Variants in DCN observed in about 807,000 individuals in gnomAD.
DCN encodes the protein bone proteoglycan II.
In DCN, 17 loss-of-function variants were observed where a neutral mutation model predicts 36.5. The observed-to-expected ratio is 0.47, with a 90% CI of 0.32 to 0.70. The LOEUF is 0.70. Ranked by LOEUF, DCN falls within the 30% of genes least tolerant of loss-of-function variation. The pLI is 0.04. For missense variants in DCN, 389 were observed against 430.1 expected (o/e 0.90, Z 0.84); for synonymous variants, 163 against 161.4 (o/e 1.01, Z -0.07).
At chr12:91,160,150 T>C (rs1882069565) in intron 3 of DCN, among the ~76,000 whole-genome samples, 2 of 152,056 alleles carry the variant, frequency 1.3e-5, no homozygotes, top group South Asian at 2.1e-4. Flanking sequence ...CAAAAACTTG[T>C]GGGAGTTAAG....
chr12:91,181,516 A>C (rs1346876101), intron 1 of DCN, among the ~76,000 whole-genome samples: 7 of 152,120 alleles, frequency 4.6e-5, no homozygotes. Context: ...CTAAAAATGC[A>C]TGACAATGTC....
At position 91,145,812 on chromosome 12, in the gene DCN, A is replaced by G; in HGVS notation, c.*246T>C. 3.9e-6 allele frequency: 2 copies of G among 508,542 alleles called. No homozygotes were observed. Among genetic ancestry groups the G allele is most frequent in the Non-Finnish European group, 7.0e-6 (2 of 283,966 alleles). 31.5% of individuals were successfully genotyped at this position (508,542 alleles called of 1,614,324 possible). A position where few individuals can be genotyped will look rare whatever the true frequency, so the allele number is the denominator to read the frequency against. On this transcript the variant is annotated 3_prime_UTR_variant, in exon 8 of 8. Transcript: ENST00000052754. ...CAAATTTTACATTTAGTGAAATAAGAATATCTCTAGTAGCTCAGTTAACAT... is the reference window on the plus strand; with the variant it reads ...CAAATTTTACATTTAGTGAAATAAGGATATCTCTAGTAGCTCAGTTAACAT...
chr12:91,148,586 C>G (rs1369641516), intron 7 of DCN, among the ~76,000 whole-genome samples: 3 of 151,578 alleles, frequency 2.0e-5, no homozygotes, highest in African/African-American at 7.3e-5. Context: ...CATGGCGGCA[C>G]GTGCCTGTAA....
Position 91,141,736 on chromosome 12 carries a change from T to C in DCN, c.*4322A>G, listed in dbSNP as rs1565766687. On this transcript the variant is annotated 3_prime_UTR_variant, in exon 8 of 8. Transcript: ENST00000052754. ...TAAAATTGATTTGTGTTTCTATGCT[T>C]GTTCCTGATGGCCTGGAAGCATTCA... 1 of 152,228 alleles carries C rather than the reference T, an allele frequency of 6.6e-6. No homozygotes were observed. The highest frequency in any genetic ancestry group is 1.5e-5 in the Non-Finnish European group (1 of 68,046). The allele number at this position is 152,228 out of a possible 1,614,324, so 9.4% of individuals were successfully genotyped here.
At position 91,158,479 on chromosome 12, in the gene DCN, T is replaced by G. The variant is rs778293007; in HGVS notation, c.355A>C (p.Lys119Gln). The change falls in exon 4 of 8, where the codon AAA (lysine) becomes CAA (glutamine). Residue 119 changes from lysine (K) to glutamine (Q), a missense_variant. Lys to Gln is a moderately conservative substitution (Grantham distance 53, BLOSUM62 1). Transcript: ENST00000052754. ...GGTGTAAATGCTCCAGGACTAACTT[T>G]GCTAATTTTATTGTTGACAAGAATC... Reference protein sequence around the residue: ...ALILVNNKISKVSPGAFTPLV... With the variant: ...ALILVNNKISQVSPGAFTPLV... 1.9e-6 allele frequency: 3 copies of G among 1,601,476 alleles called. No homozygotes were observed. The Admixed American group carries it at 5.0e-5, about 27-fold the overall frequency.
chr12:91,179,173 C>A (rs1883470208), intron 1 of DCN: 1 of 162,304 alleles, frequency 6.2e-6, no homozygotes, highest in Non-Finnish European at 1.4e-5. Flanking sequence ...TTATTAATTT[C>A]TACTATAAAC....
chr12:91,179,463 C>G (rs946720561), intron 1 of DCN: 2 of 152,424 alleles, frequency 1.3e-5, no homozygotes, highest in African/African-American at 4.8e-5. Flanking sequence ...TCTCTGCTCC[C>G]AAAGCACGTT....
At chr12:91,163,106 C>T (rs891725599) in intron 3 of DCN, among the ~76,000 whole-genome samples, 6 of 152,100 alleles carry the variant, frequency 3.9e-5, no homozygotes, top group Non-Finnish European at 8.8e-5. Context: ...TTAATGTGCA[C>T]TCATATTTTG....
chr12:91,152,300 C>CATATAT (rs139523647), intron 6 of DCN, among the ~76,000 whole-genome samples: 10 of 146,444 alleles, frequency 6.8e-5, no homozygotes, highest in African/African-American at 2.6e-4. Flanking sequence ...CACACACATG[C>CATATAT]ATATATATAT....
intron 5 of DCN, among the ~76,000 whole-genome samples, chr12:91,153,642 T>C (rs1881579014): frequency 6.6e-6 from 1 of 152,144 alleles, no homozygotes; most frequent in African/African-American, 2.4e-5. Context: ...ATGAGCATCA[T>C]TAAAAATTAA....
intron 4 of DCN, 68 bp from the exon 5 acceptor site, chr12:91,157,256 G>T: frequency 2.8e-6 from 3 of 1,068,372 alleles, no homozygotes; most frequent in Non-Finnish European, 2.9e-6. Flanking sequence ...TGTAGTATCT[G>T]TTTCAGCAAG....
chr12:91,155,672 T>A (rs369480973), intron 5 of DCN, among the ~76,000 whole-genome samples: 1 of 152,132 alleles, frequency 6.6e-6, no homozygotes, highest in East Asian at 1.9e-4. Flanking sequence ...CCAATTTATA[T>A]CTATCTGAGA....
At position 91,146,156 on chromosome 12, in the gene DCN, T is replaced by A. The variant is rs774809653; in HGVS notation, c.982A>T (p.Ser328Cys). ...TACTGGACCGGGTTGCTGAAAAGAC[T>A]CACACCCGAATAAGAAGCCTTTTTG... Reference protein sequence around the residue: ...NTKKASYSGVSLFSNPVQYWE... With the variant: ...NTKKASYSGVCLFSNPVQYWE... Residue 328 changes from serine (S) to cysteine (C), a missense_variant, in exon 8 of 8, where the codon AGT becomes TGT. Coordinates refer to ENST00000052754, the MANE Select transcript of DCN (RefSeq NM_001920.5). The A allele has an allele frequency of 1.2e-6, 2 of 1,613,540 alleles. No homozygotes were observed. The highest frequency in any genetic ancestry group is 1.7e-6 in the Non-Finnish European group (2 of 1,179,608).
intron 7 of DCN, among the ~76,000 whole-genome samples, chr12:91,148,721 C>CAAAAAAAAAA (rs5799978): frequency 0.051 from 2,534 of 49,366 alleles, 186 homozygotes; most frequent in African/African-American, 0.057. Context: ...CGCTCCGACT[C>CAAAAAAAAAA]AAAAAAAAAA....
chr12:91,155,665 A>G (rs970386350), intron 5 of DCN, among the ~76,000 whole-genome samples: 3 of 151,736 alleles, frequency 2.0e-5, no homozygotes, highest in Non-Finnish European at 2.9e-5. Flanking sequence ...TCAATCCCCA[A>G]TTTATATCTA....
Position 91,146,196 on chromosome 12 carries a change from T to C in DCN, c.942A>G (p.Pro314=). The C allele has an allele frequency of 6.2e-7, 1 of 1,613,636 alleles. No individual in the cohort carries two copies. The highest frequency in any genetic ancestry group is 8.5e-7 in the Non-Finnish European group (1 of 1,179,682). Reference sequence around the variant, plus strand: ...AAGCCTTTTTGGTGTTGTGTCCAGGTGGGCAGAAGTCACTTGATCCAACTA... The same window carrying C: ...AAGCCTTTTTGGTGTTGTGTCCAGGCGGGCAGAAGTCACTTGATCCAACTA... ...ISVVGSSDFC[P]PGHNTKKASY... Residue 314 remains proline (P), a synonymous_variant, in exon 8 of 8, where the codon CCA becomes CCG. Transcript: ENST00000052754.
At position 91,143,545 on chromosome 12, in the gene DCN, T is replaced by C. The variant is rs1025114120; in HGVS notation, c.*2513A>G. On this transcript the variant is annotated 3_prime_UTR_variant, in exon 8 of 8. Transcript: ENST00000052754. ...TCGAACTGTGTGCCTGTAATAACAA[T>C]GGCAGTAGCAACACCATAGTTGAGC... 2.6e-5 allele frequency: 4 copies of C among 152,174 alleles called. No individual in the cohort carries two copies. Among genetic ancestry groups the C allele is most frequent in the African/African-American group, 7.2e-5 (3 of 41,448 alleles). The allele number at this position is 152,174 out of a possible 1,614,324, so 9.4% of individuals were successfully genotyped here. A position where few individuals can be genotyped will look rare whatever the true frequency, so the allele number is the denominator to read the frequency against.
chr12:91,173,997 C>T (rs1479088937), intron 2 of DCN, among the ~76,000 whole-genome samples: 1 of 152,106 alleles, frequency 6.6e-6, no homozygotes, highest in African/African-American at 2.4e-5. Context: ...TTATAAGGTA[C>T]ATTATTAGAA....
chr12:91,172,846 T>C (rs1185917091), intron 2 of DCN: 4 of 649,426 alleles, frequency 6.2e-6, no homozygotes, highest in South Asian at 1.8e-5. Flanking sequence ...TGTACGAAGA[T>C]AAATTATTGC....
Sources: gnomAD v4.1 joint callset for allele counts (sites outside exome capture counted in the v4.1 genomes callset) on GRCh38, gnomAD v4.1.1 for gene constraint, MANE v1.5 for transcripts, NCBI Gene and HGNC (gene_info 2026-07-23, HGNC 2026-07-21) for gene names.